RTEL1: variants seen among roughly 807,000 people sequenced by gnomAD.
RTEL1 encodes the protein regulator of telomere elongation helicase 1, also known as regulator of telomere length.
RTEL1 carries 86 observed loss-of-function variants against 162.2 expected under a neutral mutation model. That is an observed-to-expected ratio of 0.53 (90% CI 0.45 to 0.63). RTEL1 has a LOEUF of 0.63. Among genes scored for constraint, RTEL1 ranks in the 30% least tolerant of loss-of-function variants. The pLI is 0.00. For missense variants in RTEL1, 1,941 were observed against 1,750.2 expected (o/e 1.11, Z -1.95); for synonymous variants, 958 against 717.9 (o/e 1.33, Z -5.35).
chr20:63,695,205 C>G lies in RTEL1; in HGVS notation c.3483C>G (p.His1161Gln). Residue 1161 changes from histidine (H) to glutamine (Q), a missense_variant, in exon 33 of 35, where the codon CAC becomes CAG. Physicochemically the swap from His to Gln is conservative, Grantham distance 24 (BLOSUM62 0). Transcript: ENST00000360203. ...ERLAVPPVLT[H>Q]RAPQPGPSRS... ...TTGCCGTGCCTCCTGTGCTTACCCA[C>G]AGGGCTCCCCAACCAGGTAGGGCAC... 3 of 1,612,056 alleles carry G rather than the reference C, an allele frequency of 1.9e-6. No homozygotes were observed. Among genetic ancestry groups the G allele is most frequent in the Non-Finnish European group, 2.5e-6 (3 of 1,179,738 alleles).
At chr20:63,662,508 A>G in intron 4 of RTEL1, 38 bp from the exon 5 acceptor site, 1 of 1,611,058 alleles carries the variant, frequency 6.2e-7, no homozygotes, top group Non-Finnish European at 8.5e-7. Context: ...GGTGTTGGAG[A>G]CAGCTCCTCC....
chr20:63,687,919 C>A lies in RTEL1; in HGVS notation c.1482-18C>A. 6.2e-7 allele frequency: 1 copy of A among 1,611,010 alleles called. No homozygotes were observed. Among genetic ancestry groups the A allele is most frequent in the Non-Finnish European group, 8.5e-7 (1 of 1,178,478 alleles). On this transcript the variant is annotated intron_variant, in intron 17 of 34. Coordinates refer to ENST00000360203, the MANE Select transcript of RTEL1 (RefSeq NM_001283009.2). ...CTGGTGCACTTCCCCACTGTCTGCT[C>A]CCTCTGGCCACGCTCAGCCCTTTCC...
intron 2 of RTEL1, 148 bp downstream of exon 2, chr20:63,659,652 G>C (rs1188717864): frequency 3.0e-6 from 2 of 675,444 alleles, no homozygotes; most frequent in Non-Finnish European, 5.4e-6. Context: ...TCCAGGTGGG[G>C]TCAGAGAGAG....
chr20:63,680,204 C>T (rs1387669158), intron 13 of RTEL1, among the ~76,000 whole-genome samples: 1 of 152,222 alleles, frequency 6.6e-6, no homozygotes, highest in Non-Finnish European at 1.5e-5. Flanking sequence ...AAGAGCAGCC[C>T]AAGGCCCTAG....
rs993254667 is a variant in RTEL1, at chr20:63,695,639, C to T, written c.3811C>T (p.Arg1271Trp). The T allele has an allele frequency of 2.0e-5, 33 of 1,611,182 alleles. No homozygotes were observed. The highest frequency in any genetic ancestry group is 8.8e-5 in the South Asian group (8 of 91,060). ...DFQRCQACWQRHLQASRMCPA... is the reference protein window; with the variant it reads ...DFQRCQACWQWHLQASRMCPA... ...CCAGCGCTGCCAAGCCTGCTGGCAA[C>T]GGCACCTTCAGGTTGGTGCCTGGCC... The change falls in exon 34 of 35, where the codon CGG (arginine) becomes TGG (tryptophan). Residue 1271 changes from arginine (R) to tryptophan (W), a missense_variant. By Grantham distance (101) the Arg-to-Trp change is moderately radical. Coordinates refer to ENST00000360203, the MANE Select transcript of RTEL1 (RefSeq NM_001283009.2).
rs2090973402 is a variant in RTEL1 at position 63,696,097 on chromosome 20, C to CAT, written c.*239_*240insAT. ...GGGTGGGTTTCTGGGAAAGTGCTTC[C>CAT]CCAGAACTTCCCTGGCTCCTGGCCT... On this transcript the variant is annotated 3_prime_UTR_variant, in exon 35 of 35. Transcript: ENST00000360203. The CAT allele has an allele frequency of 1.8e-6, 1 of 552,044 alleles. No homozygotes were observed. Among genetic ancestry groups the CAT allele is most frequent in the African/African-American group, 1.9e-5 (1 of 52,358 alleles). 34.2% of individuals were successfully genotyped at this position (552,044 alleles called of 1,614,324 possible).
At chr20:63,677,029 G>A (rs371643545) in intron 10 of RTEL1, among the ~76,000 whole-genome samples, 1 of 146,772 alleles carries the variant, frequency 6.8e-6, no homozygotes, top group African/African-American at 2.6e-5. Context: ...TCTCACTCCT[G>A]ACCTCAGTTG....
rs2090576351 is a variant in RTEL1, at chr20:63,685,661, T to C, written c.1266+64T>C. 1.9e-6 allele frequency: 3 copies of C among 1,590,684 alleles called. No individual in the cohort carries two copies. The Admixed American group carries it at 5.4e-5, about 29-fold the overall frequency. ...TTGTTCCCCGGCAGGGCTGGGGGCC[T>C]TACAGTCCTATAAGGTGGGGGCCAC... On this transcript the variant is annotated intron_variant, in intron 15 of 34. Coordinates refer to ENST00000360203, the MANE Select transcript of RTEL1 (RefSeq NM_001283009.2).
At chr20:63,671,350 C>T (rs1170842299) in intron 8 of RTEL1, among the ~76,000 whole-genome samples, 2 of 152,036 alleles carry the variant, frequency 1.3e-5, no homozygotes, top group African/African-American at 4.8e-5. Context: ...TGAACCACCG[C>T]ACCCGGCTGG....
intron 6 of RTEL1, 109 bp from the exon 7 acceptor site, chr20:63,665,895 G>A (rs1467329785): frequency 4.1e-6 from 4 of 973,618 alleles, no homozygotes; most frequent in Middle Eastern, 2.2e-4. Context: ...GGTGGGGGAC[G>A]CCCAGCCCTG....
intron 8 of RTEL1, among the ~76,000 whole-genome samples, chr20:63,671,851 T>A (rs2090249657): frequency 6.6e-6 from 1 of 151,848 alleles, no homozygotes; most frequent in Admixed American, 6.6e-5. Context: ...CCCATGACAC[T>A]CTGTGGGTGG....
upstream of RTEL1, chr20:63,657,916 G>C (rs1255322177): frequency 6.6e-6 from 1 of 152,444 alleles, no homozygotes; most frequent in Non-Finnish European, 1.5e-5. Context: ...AGGAGAGGAA[G>C]GAGAGGGGGC....
chr20:63,688,970 G>T, intron 21 of RTEL1, 85 bp from the exon 22 acceptor site: 1 of 1,198,728 alleles, frequency 8.3e-7, no homozygotes, highest in Non-Finnish European at 1.2e-6. Context: ...CCTTCATCTT[G>T]GAGCATGAGA....
At chr20:63,675,813 G>A (rs907638114) in intron 10 of RTEL1, among the ~76,000 whole-genome samples, 6 of 152,174 alleles carry the variant, frequency 3.9e-5, no homozygotes, top group African/African-American at 1.2e-4. Context: ...TCCATCCTTC[G>A]CTTGGCGCAG....
In RTEL1 at chr20:63,668,881, ACTC is replaced by A. The variant is rs1301036392; in HGVS notation, c.699+1332_699+1334del. On this transcript the variant is annotated intron_variant, in intron 8 of 34. Coordinates refer to ENST00000360203, the MANE Select transcript of RTEL1 (RefSeq NM_001283009.2). This position sits in a 1 kb window ranked among gnomAD's most constrained non-coding sequence, Gnocchi z 4.3. ...GAGGACTCACCTCGCTGGTTTCAAGACTCCTCTAAAGCTGCAGGAGTGGAGGTG... is the reference window on the plus strand; with the variant it reads ...GAGGACTCACCTCGCTGGTTTCAAGACTCTAAAGCTGCAGGAGTGGAGGTG... Among the ~76,000 whole-genome samples, 2 of 152,064 alleles carry A rather than the reference ACTC, an allele frequency of 1.3e-5. No homozygotes were observed. Among genetic ancestry groups the A allele is most frequent in the African/African-American group, 4.8e-5 (2 of 41,388 alleles).
intron 15 of RTEL1, 58 bp from the exon 16 acceptor site, chr20:63,685,733 A>G: frequency 1.3e-6 from 2 of 1,591,066 alleles, no homozygotes; most frequent in Non-Finnish European, 1.7e-6. Flanking sequence ...CTAAAAGGTA[A>G]GGGGCTGCCC....
intron 6 of RTEL1, among the ~76,000 whole-genome samples, chr20:63,663,449 G>A (rs1182452800): frequency 2.0e-5 from 3 of 152,216 alleles, no homozygotes; most frequent in Non-Finnish European, 4.4e-5. Context: ...TTCTGGAGAC[G>A]GGATGTGAGT....
Position 63,661,352 on chromosome 20 carries a change from C to T in RTEL1, c.157C>T (p.Leu53=), listed in dbSNP as rs770810900. 1.2e-6 allele frequency: 2 copies of T among 1,613,428 alleles called. No homozygotes were observed. Among genetic ancestry groups the T allele is most frequent in the Non-Finnish European group, 1.7e-6 (2 of 1,180,038 alleles). The change falls in exon 3 of 35, where the codon CTG becomes TTG. Residue 53 remains leucine (L), a synonymous_variant. Transcript: ENST00000360203. This position sits in a 1 kb window ranked among gnomAD's most constrained non-coding sequence, Gnocchi z 5.1. Reference sequence around the variant, plus strand: ...GGGTACAGGGAAGACGCTGTGCCTGCTGTGCACCACGCTGGCCTGGCGAGA... The same window carrying T: ...GGGTACAGGGAAGACGCTGTGCCTGTTGTGCACCACGCTGGCCTGGCGAGA... ...PTGTGKTLCL[L]CTTLAWREHL...
rs1023265673 is a variant in RTEL1 at position 63,691,941 on chromosome 20, C to A, written c.2652+104C>A. On this transcript the variant is annotated intron_variant, in intron 28 of 34. Coordinates refer to ENST00000360203, the MANE Select transcript of RTEL1 (RefSeq NM_001283009.2). ...GCTGGTCCCGATGGGACCAGGGAATCCACCCCCAGGAGCTGATGTCCAGGG... is the reference window on the plus strand; with the variant it reads ...GCTGGTCCCGATGGGACCAGGGAATACACCCCCAGGAGCTGATGTCCAGGG... 7.1e-6 allele frequency: 6 copies of A among 839,654 alleles called. No individual in the cohort carries two copies. The Admixed American group carries it at 1.4e-4, about 19-fold the overall frequency. 52.0% of individuals were successfully genotyped at this position (839,654 alleles called of 1,614,324 possible). A position where few individuals can be genotyped will look rare whatever the true frequency, so the allele number is the denominator to read the frequency against.
Sources: allele counts gnomAD v4.1 joint callset (sites outside exome capture counted in the v4.1 genomes callset), GRCh38; gene constraint gnomAD v4.1.1; non-coding constraint Gnocchi (gnomAD v3.1); transcripts MANE v1.5; gene names NCBI Gene and HGNC (gene_info 2026-07-23, HGNC 2026-07-21).